ACOT1: variants seen among roughly 807,000 people sequenced by gnomAD.
ACOT1 encodes the protein acyl-coenzyme A thioesterase 1.
Under a neutral mutation model 15.7 loss-of-function variants are expected in ACOT1, and 8 were observed. That is an observed-to-expected ratio of 0.51 (90% CI 0.30 to 0.92). ACOT1 has a LOEUF of 0.92. Among genes scored for constraint, ACOT1 ranks in the 40% least tolerant of loss-of-function variants. The pLI is 0.06. For missense variants in ACOT1, 151 were observed against 539.4 expected (o/e 0.28, Z 7.13); for synonymous variants, 67 against 241.2 (o/e 0.28, Z 6.69).
At chr14:73,523,237 T>C in the ACOT1 span, 1 of 1,329,996 alleles carries the variant, frequency 7.5e-7, no homozygotes, top group Non-Finnish European at 1.0e-6. Flanking sequence ...GTTAAGGGAA[T>C]GGGAGGAACT....
At chr14:73,536,332 C>T (rs1245779686), upstream of ACOT1, among the ~76,000 whole-genome samples, 3 of 109,150 alleles carry the variant, frequency 2.7e-5, 1 homozygote, top group Admixed American at 3.1e-4. Context: ...CTGGTTGGAA[C>T]CAATAGCCTA....
the ACOT1 span, chr14:73,493,289 C>G: frequency 1.5e-5 from 9 of 596,792 alleles, no homozygotes; most frequent in East Asian, 2.3e-4. Flanking sequence ...GAATTTGGAT[C>G]TTTCATCTGA....
chr14:73,508,141 T>C, the ACOT1 span: 7 of 1,613,988 alleles, frequency 4.3e-6, no homozygotes, highest in Non-Finnish European at 5.1e-6. Flanking sequence ...TACTGTCTTC[T>C]CACTCAGATA....
Position 73,537,994 on chromosome 14 carries a change from C to G in ACOT1, c.457+116C>G. On this transcript the variant is annotated intron_variant, in intron 1 of 2. Transcript: ENST00000311148. ...CGCTCTTTTCGCTTGTGTGTGTGTC[C>G]CTCCTCCCGCCCCACCACCACCACC... The G allele has an allele frequency of 3.4e-6, 3 of 883,340 alleles. 1 individual carries two copies. Among genetic ancestry groups the G allele is most frequent in the Non-Finnish European group, 4.4e-6 (3 of 677,486 alleles). The allele number at this position is 883,340 out of a possible 1,614,324, so 54.7% of individuals were successfully genotyped here.
At chr14:73,500,477 T>G in the ACOT1 span, 1 of 1,455,872 alleles carries the variant, frequency 6.9e-7, no homozygotes, top group Non-Finnish European at 9.4e-7. Flanking sequence ...TTGAGCATAC[T>G]GTGCACAACC....
At chr14:73,492,604 C>G in the ACOT1 span, 4,512 of 1,613,872 alleles carry the variant, frequency 2.8e-3, 7 homozygotes, top group Non-Finnish European at 3.3e-3. This position sits in a 1 kb window ranked among gnomAD's most constrained non-coding sequence, Gnocchi z 4.9. Flanking sequence ...TTCCAATTCG[C>G]TGGGAGGCTG....
the ACOT1 span, chr14:73,513,978 A>G: frequency 6.5e-7 from 1 of 1,546,452 alleles, no homozygotes; most frequent in East Asian, 2.2e-5. Context: ...CTAGTCCCAG[A>G]TGAGAACCAC....
At chr14:73,512,085 GTCA>G in the ACOT1 span, 4 of 1,614,146 alleles carry the variant, frequency 2.5e-6, no homozygotes, top group Admixed American at 6.7e-5. Flanking sequence ...TGATCCGAAC[GTCA>G]TCATGCAGGT....
the ACOT1 span, among the ~76,000 whole-genome samples, chr14:73,511,043 T>C: frequency 6.6e-6 from 1 of 152,174 alleles, no homozygotes; most frequent in Admixed American, 6.6e-5. Context: ...ATAGTTCTTA[T>C]CAGGTGTTTA....
the ACOT1 span, among the ~76,000 whole-genome samples, chr14:73,507,722 G>A: frequency 3.3e-5 from 5 of 151,750 alleles, no homozygotes; most frequent in East Asian, 1.9e-4. Flanking sequence ...AGGCGTGAGC[G>A]ACCATGCCCA....
chr14:73,491,368 C>T, the ACOT1 span: 2 of 1,366,908 alleles, frequency 1.5e-6, no homozygotes, highest in Non-Finnish European at 1.9e-6. Flanking sequence ...CCCTGCAGAC[C>T]CCGTCGGCGC....
the ACOT1 span, among the ~76,000 whole-genome samples, chr14:73,509,862 A>C: frequency 1.6e-5 from 1 of 63,216 alleles, no homozygotes; most frequent in Non-Finnish European, 3.2e-5. Context: ...ATATATATAT[A>C]TATATATTTA....
At chr14:73,498,797 G>A in the ACOT1 span, among the ~76,000 whole-genome samples, 1 of 152,202 alleles carries the variant, frequency 6.6e-6, no homozygotes. Flanking sequence ...ATCCAGCACT[G>A]GATACCTACT....
the ACOT1 span, among the ~76,000 whole-genome samples, chr14:73,493,587 T>C: frequency 0.79 from 119,392 of 152,036 alleles, 47,760 homozygotes; most frequent in African/African-American, 0.95. Flanking sequence ...CCTGTAATCC[T>C]AGCACTTTAG....
At chr14:73,490,993 CG>C in the ACOT1 span, 9 of 1,348,170 alleles carry the variant, frequency 6.7e-6, no homozygotes, top group South Asian at 1.8e-4. Context: ...GCCGGCCGGG[CG>C]GGGAAGACTG....
chr14:73,496,130 C>G, the ACOT1 span, among the ~76,000 whole-genome samples: 4 of 151,712 alleles, frequency 2.6e-5, no homozygotes, highest in African/African-American at 9.7e-5. Context: ...ACTGTCCCCC[C>G]CTCAAAAAAA....
the ACOT1 span, chr14:73,498,036 G>T: frequency 2.3e-6 from 2 of 886,124 alleles, no homozygotes; most frequent in Non-Finnish European, 3.5e-6. Context: ...GAATGTGCAG[G>T]TGAACCAGTG....
At chr14:73,532,607 A>G (rs1317091907), upstream of ACOT1, among the ~76,000 whole-genome samples, 2 of 115,252 alleles carry the variant, frequency 1.7e-5, no homozygotes, top group African/African-American at 5.7e-5. Context: ...CTCAAGCTGC[A>G]CTCAGATGGT....
chr14:73,499,386 A>G, the ACOT1 span, among the ~76,000 whole-genome samples: 37 of 151,854 alleles, frequency 2.4e-4, no homozygotes, highest in African/African-American at 8.3e-4. Context: ...AGGCTGAGGT[A>G]GGAGAATTGC....
Sources: allele counts gnomAD v4.1 joint callset (sites outside exome capture counted in the v4.1 genomes callset), GRCh38; gene constraint gnomAD v4.1.1; non-coding constraint Gnocchi (gnomAD v3.1); transcripts MANE v1.5; gene names NCBI Gene and HGNC (gene_info 2026-07-23, HGNC 2026-07-21).